The following KCNN2 variants were observed in gnomAD, a reference collection of about 807,000 sequenced individuals.
KCNN2 encodes the protein potassium calcium-activated channel subfamily N member 2.
In KCNN2, 24 loss-of-function variants were observed where a neutral mutation model predicts 55.5. The ratio of observed to expected loss-of-function variants is 0.43; its 90% CI spans 0.31 to 0.61. The LOEUF (loss-of-function observed/expected upper bound fraction) is 0.61, where lower values mean the gene tolerates loss of function less well. KCNN2 is among the 20% of genes least tolerant of loss of function. KCNN2 has a pLI of 0.08. For missense variants in KCNN2, 754 were observed against 853.6 expected, an observed-to-expected ratio of 0.88 and a Z score of 1.45; for synonymous variants, 431 against 336.1, an observed-to-expected ratio of 1.28 and a Z score of -3.09.
At chr5:114,257,357 T>C (rs1198689135) in intron 2 of KCNN2, among the ~76,000 whole-genome samples, 4 of 152,060 alleles carry the variant, frequency 2.6e-5, no homozygotes, top group African/African-American at 9.7e-5. Flanking sequence ...TTTGGTTTCA[T>C]ATGAATTTTA....
At chr5:114,262,089 CAT>C (rs1289707060) in intron 2 of KCNN2, among the ~76,000 whole-genome samples, 9 of 152,150 alleles carry the variant, frequency 5.9e-5, no homozygotes, top group Non-Finnish European at 7.4e-5. Context: ...TAAAGAGACT[CAT>C]GTGTCAATTT....
At chr5:114,439,899 T>C (rs1338447619) in intron 3 of KCNN2, among the ~76,000 whole-genome samples, 2 of 152,164 alleles carry the variant, frequency 1.3e-5, no homozygotes, top group East Asian at 3.8e-4. Context: ...ACATATGCTT[T>C]TGAAATTATA....
intron 1 of KCNN2, among the ~76,000 whole-genome samples, chr5:114,219,896 T>G (rs763656774): frequency 4.6e-5 from 7 of 152,252 alleles, no homozygotes; most frequent in Non-Finnish European, 1.0e-4. Context: ...AAACTGTATG[T>G]TAAGCATCAG....
At chr5:114,473,222 G>A (rs190824084) in intron 5 of KCNN2, 58 bp downstream of exon 5, 11 of 1,134,182 alleles carry the variant, frequency 9.7e-6, no homozygotes, top group Non-Finnish European at 1.4e-5. Flanking sequence ...TTCAGTGTTA[G>A]GAAATATGGT....
intron 2 of KCNN2, among the ~76,000 whole-genome samples, chr5:114,245,473 G>C (rs982568953): frequency 7.9e-5 from 12 of 152,118 alleles, no homozygotes; most frequent in Admixed American, 2.0e-4. Context: ...ATTTCAAAGA[G>C]GGAAAGTGAA....
At chr5:114,468,738 A>ATCTT (rs1291792598) in intron 4 of KCNN2, among the ~76,000 whole-genome samples, 5 of 152,160 alleles carry the variant, frequency 3.3e-5, no homozygotes, top group Non-Finnish European at 7.4e-5. Context: ...ATTATGTTGA[A>ATCTT]TCTTTTGAAG....
intron 1 of KCNN2, among the ~76,000 whole-genome samples, chr5:114,085,730 CAATT>C (rs1241613857): frequency 6.6e-6 from 1 of 151,974 alleles, no homozygotes; most frequent in Non-Finnish European, 1.5e-5. Flanking sequence ...TTGTAAATAT[CAATT>C]AAGTCAATTG....
chr5:114,442,005 G>A (rs937101403), intron 3 of KCNN2, among the ~76,000 whole-genome samples: 10 of 152,192 alleles, frequency 6.6e-5, no homozygotes, highest in African/African-American at 2.4e-4. Flanking sequence ...GCCTTTCATT[G>A]CATACTATTT....
At chr5:114,265,324 GGTGTGTGTGTGTGTGTGTGTGTGTGT>G (rs60111802) in intron 2 of KCNN2, among the ~76,000 whole-genome samples, 3 of 149,120 alleles carry the variant, frequency 2.0e-5, no homozygotes, top group Non-Finnish European at 4.4e-5. Flanking sequence ...ATCAAGAGGA[GGTGTGTGTGTGTGTGTGTGTGTGTGT>G]GTGTGTGTGT....
At chr5:114,328,792 C>A (rs2150032274) in intron 2 of KCNN2, among the ~76,000 whole-genome samples, 1 of 152,278 alleles carries the variant, frequency 6.6e-6, no homozygotes, top group East Asian at 1.9e-4. Flanking sequence ...TTTAGGCAAC[C>A]CTGAATGAGA....
chr5:114,478,305 T>C (rs1231686756), intron 5 of KCNN2, among the ~76,000 whole-genome samples: 2 of 152,152 alleles, frequency 1.3e-5, no homozygotes, highest in Non-Finnish European at 2.9e-5. Context: ...TATGTTGTCA[T>C]TACCTATATG....
intron 1 of KCNN2, among the ~76,000 whole-genome samples, chr5:114,208,563 A>G (rs116078945): frequency 0.029 from 4,483 of 152,270 alleles, 223 homozygotes; most frequent in African/African-American, 0.1. Flanking sequence ...GCATTAGGAT[A>G]ACCTGGGATG....
chr5:114,124,127 A>G (rs1459188540), intron 1 of KCNN2, among the ~76,000 whole-genome samples: 1 of 152,198 alleles, frequency 6.6e-6, no homozygotes, highest in Non-Finnish European at 1.5e-5. Context: ...TAGTTTGATC[A>G]GCCAAGTTGT....
chr5:114,144,814 T>TG (rs775950634), intron 1 of KCNN2, among the ~76,000 whole-genome samples: 36 of 107,236 alleles, frequency 3.4e-4, no homozygotes, highest in Non-Finnish European at 5.9e-4. Flanking sequence ...GAATGTGGGG[T>TG]GGGGGGAATA....
intron 1 of KCNN2, among the ~76,000 whole-genome samples, chr5:114,167,177 CTA>C: frequency 6.6e-6 from 1 of 152,228 alleles, no homozygotes; most frequent in East Asian, 1.9e-4. Context: ...CCCTAACCTA[CTA>C]CCAGCCTTCA....
At chr5:114,272,401 GTATGTA>G in intron 2 of KCNN2, among the ~76,000 whole-genome samples, 2 of 47,268 alleles carry the variant, frequency 4.2e-5, no homozygotes, top group Admixed American at 3.2e-4. Flanking sequence ...ACACATATAT[GTATGTA>G]CATATCTACA....
chr5:114,364,356 C>T (rs1580751716), intron 2 of KCNN2, among the ~76,000 whole-genome samples: 1 of 152,118 alleles, frequency 6.6e-6, no homozygotes, highest in East Asian at 1.9e-4. Flanking sequence ...GTTTGAGACA[C>T]CTCTTCCTAG....
intron 3 of KCNN2, among the ~76,000 whole-genome samples, chr5:114,429,991 AT>A: frequency 7.0e-6 from 1 of 143,034 alleles, no homozygotes; most frequent in African/African-American, 2.5e-5. Flanking sequence ...CTATTTGTAT[AT>A]TTTTTCACTA....
upstream of KCNN2, chr5:114,361,150 T>C (rs1407954818): frequency 6.6e-6 from 1 of 152,050 alleles, no homozygotes; most frequent in African/African-American, 2.4e-5. Context: ...AAGGCGCAAA[T>C]GTGAGCTGGC....
Sources: gnomAD v4.1 joint callset for allele counts (sites outside exome capture counted in the v4.1 genomes callset) on GRCh38, gnomAD v4.1.1 for gene constraint, MANE v1.5 for transcripts, NCBI Gene and HGNC (gene_info 2026-07-23, HGNC 2026-07-21) for gene names.